PTPRM: variants seen among roughly 807,000 people sequenced by gnomAD.
PTPRM encodes protein tyrosine phosphatase receptor type M.
A neutral mutation model predicts 186.7 loss-of-function variants in PTPRM; 47 were observed. The ratio of observed to expected loss-of-function variants is 0.25; its 90% confidence interval spans 0.20 to 0.32. The LOEUF (loss-of-function observed/expected upper bound fraction) is 0.32. Ranked by LOEUF, PTPRM falls within the 10% of genes least tolerant of loss-of-function variation. PTPRM has a pLI of 1.00. For synonymous variants in PTPRM, 668 were observed against 674.9 expected (o/e 0.99, Z 0.16); for missense variants, 1,494 against 1,865.0 (o/e 0.80, Z 3.66).
chr18:7,623,386 G>T (rs2037986547), intron 1 of PTPRM, among the ~76,000 whole-genome samples: 1 of 152,010 alleles, frequency 6.6e-6, no homozygotes, highest in Non-Finnish European at 1.5e-5. Flanking sequence ...CTAACAATTT[G>T]TTGTATTTTT....
chr18:8,294,015 C>T (rs1221617139), intron 19 of PTPRM, among the ~76,000 whole-genome samples: 2 of 152,108 alleles, frequency 1.3e-5, no homozygotes, highest in African/African-American at 2.4e-5. Context: ...CAGGTGAATC[C>T]CAAGGCAGGT....
intron 1 of PTPRM, among the ~76,000 whole-genome samples, chr18:7,666,797 C>A (rs540305655): frequency 1.3e-5 from 2 of 152,126 alleles, no homozygotes; most frequent in African/African-American, 4.8e-5. Flanking sequence ...GGGTTGTAAA[C>A]CTTATTTTAC....
chr18:8,357,716 A>T (rs2095571056), intron 23 of PTPRM, among the ~76,000 whole-genome samples: 1 of 152,248 alleles, frequency 6.6e-6, no homozygotes, highest in Non-Finnish European at 1.5e-5. Flanking sequence ...TCATCGTTTC[A>T]CATCCGTCAA....
chr18:7,841,576 G>T lies in PTPRM; in HGVS notation c.197-46530G>T, dbSNP rs558844112. On this transcript the variant is annotated intron_variant, in intron 2 of 32. Coordinates refer to ENST00000580170, the MANE Select transcript of PTPRM (RefSeq NM_001105244.2). ...CCCAAAGTGCTGGGATTACAGGCGTGAGCCACCACGCCTGGCCCAAATCAT... is the reference window on the plus strand; with the variant it reads ...CCCAAAGTGCTGGGATTACAGGCGTTAGCCACCACGCCTGGCCCAAATCAT... Among the ~76,000 whole-genome samples, 3 of 152,192 alleles carry T rather than the reference G, an allele frequency of 2.0e-5. No individual in the cohort carries two copies. The East Asian group carries it at 5.8e-4, about 29-fold the overall frequency.
Position 7,843,557 on chromosome 18 carries a change from G to C in PTPRM, c.197-44549G>C, listed in dbSNP as rs1468934855. On this transcript the variant is annotated intron_variant, in intron 2 of 32. Transcript: ENST00000580170. ...ATTATCATTGTCATCATGAGTTAGT[G>C]CTAATTCAGATGTGATACTCTAGGC... 2.0e-5 allele frequency among the ~76,000 whole-genome samples: 3 copies of C among 152,162 alleles called. No individual in the cohort carries two copies. In the South Asian group the frequency reaches 6.2e-4, roughly 32 times the overall value.
chr18:7,848,294 A>G (rs151173949), intron 2 of PTPRM, among the ~76,000 whole-genome samples: 3 of 152,142 alleles, frequency 2.0e-5, no homozygotes, highest in East Asian at 1.9e-4. Context: ...GCTGTAAGAG[A>G]TTTTGTCTTT....
intron 7 of PTPRM, among the ~76,000 whole-genome samples, chr18:8,051,178 T>C (rs1032481642): frequency 3.9e-5 from 6 of 152,198 alleles, no homozygotes; most frequent in Admixed American, 2.0e-4. Flanking sequence ...TAAGTTTGCC[T>C]GGTAGTAACC....
intron 1 of PTPRM, among the ~76,000 whole-genome samples, chr18:7,688,752 G>A (rs527816788): frequency 1.8e-4 from 27 of 152,252 alleles, no homozygotes; most frequent in Admixed American, 4.6e-4. Flanking sequence ...CATCCAGCAC[G>A]GTTGGTTGTG....
chr18:8,246,688 C>A (rs2094479858), intron 15 of PTPRM, among the ~76,000 whole-genome samples: 1 of 152,024 alleles, frequency 6.6e-6, no homozygotes, highest in African/African-American at 2.4e-5. Context: ...AGGCTTCTTA[C>A]CATAAACATG....
intron 14 of PTPRM, among the ~76,000 whole-genome samples, chr18:8,235,370 G>A (rs754375544): frequency 2.0e-4 from 30 of 150,872 alleles, no homozygotes; most frequent in Admixed American, 4.0e-4. Flanking sequence ...AGAGTTGTTC[G>A]TAATATTCTT....
At chr18:8,270,302 A>G (rs1002537847) in intron 19 of PTPRM, 4 of 152,068 alleles carry the variant, frequency 2.6e-5, no homozygotes, top group African/African-American at 4.8e-5. Context: ...AGATATACAA[A>G]TGGTCAATAG....
intron 1 of PTPRM, among the ~76,000 whole-genome samples, chr18:7,717,873 T>C (rs187227897): frequency 6.2e-4 from 94 of 152,262 alleles, no homozygotes; most frequent in African/African-American, 2.2e-3. Flanking sequence ...CCGCTGTCAC[T>C]GAAGTGGCTA....
intron 19 of PTPRM, among the ~76,000 whole-genome samples, chr18:8,254,406 G>T (rs1440646701): frequency 1.3e-5 from 2 of 152,212 alleles, no homozygotes. Flanking sequence ...GGCCCAGGGA[G>T]CAGGACAGGA....
chr18:8,106,910 T>G (rs1387034763), intron 11 of PTPRM, among the ~76,000 whole-genome samples: 2 of 152,194 alleles, frequency 1.3e-5, no homozygotes. Flanking sequence ...CTCTGATAGT[T>G]GCATTTGTAT....
intron 21 of PTPRM, among the ~76,000 whole-genome samples, chr18:8,317,150 A>G (rs1269607347): frequency 6.6e-6 from 1 of 151,492 alleles, no homozygotes; most frequent in Non-Finnish European, 1.5e-5. Flanking sequence ...GCACTTGGCC[A>G]GGAGAGGAAG....
intron 19 of PTPRM, among the ~76,000 whole-genome samples, chr18:8,266,832 C>G (rs2094706399): frequency 6.6e-6 from 1 of 152,002 alleles, no homozygotes; most frequent in Non-Finnish European, 1.5e-5. Context: ...TGCTTGAACC[C>G]AGGAGGCGGA....
intron 7 of PTPRM, among the ~76,000 whole-genome samples, chr18:8,012,670 A>G (rs185123504): frequency 6.6e-6 from 1 of 152,318 alleles, no homozygotes; most frequent in Non-Finnish European, 1.5e-5. Flanking sequence ...ATTTAAACCT[A>G]GAACAGGCGC....
intron 14 of PTPRM, among the ~76,000 whole-genome samples, chr18:8,213,261 T>C (rs2094032115): frequency 6.6e-6 from 1 of 152,196 alleles, no homozygotes; most frequent in South Asian, 2.1e-4. Flanking sequence ...ATGACCTTGA[T>C]ATGGTAAGGC....
chr18:7,796,891 G>A (rs911014132), intron 2 of PTPRM, among the ~76,000 whole-genome samples: 8 of 152,210 alleles, frequency 5.3e-5, no homozygotes, highest in African/African-American at 1.9e-4. Context: ...CGTGTATATA[G>A]CACACATGTA....
Sources: allele counts gnomAD v4.1 joint callset (sites outside exome capture counted in the v4.1 genomes callset), GRCh38; gene constraint gnomAD v4.1.1; transcripts MANE v1.5; gene names NCBI Gene and HGNC (gene_info 2026-07-23, HGNC 2026-07-21).